ZNF248: variants seen among roughly 807,000 people sequenced by gnomAD.
ZNF248 encodes the protein zinc finger protein 248, also known as KRAB protein domain.
Under a neutral mutation model 44.3 loss-of-function variants are expected in ZNF248, and 20 were observed. That is an observed-to-expected ratio of 0.45 (90% CI 0.32 to 0.66). The LOEUF (loss-of-function observed/expected upper bound fraction) is 0.66. Ranked by LOEUF, ZNF248 falls within the 30% of genes least tolerant of loss-of-function variation. The probability of loss-of-function intolerance (pLI) is 0.04; values close to 1 mark genes in which losing one functional copy is unlikely to be tolerated. For missense variants in ZNF248, 654 were observed against 677.0 expected (o/e 0.97, Z 0.38); for synonymous variants, 224 against 229.0 (o/e 0.98, Z 0.20).
intron 6 of ZNF248, among the ~76,000 whole-genome samples, chr10:37,785,168 A>G (rs537820848): frequency 1.3e-5 from 2 of 152,314 alleles, no homozygotes; most frequent in African/African-American, 4.8e-5. Context: ...TCTCAGTGGT[A>G]TAACATAACA....
chr10:37,828,724 T>A, downstream of ZNF248: 1 of 985,396 alleles, frequency 1.0e-6, no homozygotes, highest in Non-Finnish European at 1.2e-6. Context: ...AATAAAAATG[T>A]ATCAAACTAA....
downstream of ZNF248, among the ~76,000 whole-genome samples, chr10:37,825,600 C>T (rs1216303480): frequency 2.0e-5 from 3 of 152,050 alleles, no homozygotes; most frequent in Non-Finnish European, 2.9e-5. Flanking sequence ...CCACCACACC[C>T]GGCTAATTTT....
chr10:37,764,663 A>G, the ZNF248 span, among the ~76,000 whole-genome samples: 2 of 152,176 alleles, frequency 1.3e-5, no homozygotes, highest in Admixed American at 6.5e-5. Flanking sequence ...TTTCTCAGAT[A>G]GGCCGACACC....
At chr10:37,810,371 G>A (rs2051295947) in intron 6 of ZNF248, among the ~76,000 whole-genome samples, 1 of 152,046 alleles carries the variant, frequency 6.6e-6, no homozygotes, top group South Asian at 2.1e-4. Context: ...GTGCATAAAT[G>A]TTCATTATTG....
intron 3 of ZNF248, among the ~76,000 whole-genome samples, chr10:37,847,329 C>T (rs554494704): frequency 2.6e-5 from 4 of 152,168 alleles, no homozygotes; most frequent in Admixed American, 6.6e-5. Flanking sequence ...GGCTATAGTT[C>T]CTCACCACAA....
chr10:37,776,782 C>T (rs534559210), intron 6 of ZNF248, among the ~76,000 whole-genome samples: 35 of 152,144 alleles, frequency 2.3e-4, no homozygotes, highest in African/African-American at 7.9e-4. Context: ...ACTCAGCCGC[C>T]CCCCACCCAC....
intron 6 of ZNF248, among the ~76,000 whole-genome samples, chr10:37,796,670 T>C (rs1474453312): frequency 6.6e-6 from 1 of 152,080 alleles, no homozygotes; most frequent in Non-Finnish European, 1.5e-5. Flanking sequence ...CAAATCCCAT[T>C]TTCCCCCTTT....
chr10:37,772,648 G>A (rs541129019), downstream of ZNF248, among the ~76,000 whole-genome samples: 1 of 152,334 alleles, frequency 6.6e-6, no homozygotes, highest in African/African-American at 2.4e-5. Context: ...ACAGGTCACA[G>A]TGGTCTAACA....
At chr10:37,856,380 G>A in intron 2 of ZNF248, 43 bp from the exon 3 acceptor site, 3 of 1,606,884 alleles carry the variant, frequency 1.9e-6, no homozygotes, top group South Asian at 1.1e-5. Context: ...GCCTTCGCCG[G>A]CCTTGCAGTT....
rs558173046 is a variant in ZNF248 at position 37,783,461 on chromosome 10, T to C, written c.331-6886A>G. ...ATCTTCATGATTTTAGATATGGCAG[T>C]GTGGTCTTATATAGGGCACCAAAAG... On this transcript the variant is annotated intron_variant, in intron 6 of 6. Transcript: ENST00000615949. Among the ~76,000 whole-genome samples, 80 of 152,296 alleles carry C rather than the reference T, an allele frequency of 5.3e-4. No individual in the cohort carries two copies. In the Middle Eastern group the frequency reaches 0.014, roughly 26 times the overall value.
At chr10:37,768,598 A>G in the ZNF248 span, among the ~76,000 whole-genome samples, 7 of 152,220 alleles carry the variant, frequency 4.6e-5, no homozygotes, top group Admixed American at 4.6e-4. Flanking sequence ...AACATACCAG[A>G]AACTCTGGGA....
At chr10:37,807,655 T>G (rs113624524) in intron 6 of ZNF248, among the ~76,000 whole-genome samples, 6 of 152,328 alleles carry the variant, frequency 3.9e-5, no homozygotes, top group African/African-American at 1.4e-4. Context: ...TTGATGTAGC[T>G]TTTTTGATGC....
At chr10:37,761,604 T>C in the ZNF248 span, among the ~76,000 whole-genome samples, 1 of 152,380 alleles carries the variant, frequency 6.6e-6, no homozygotes, top group Middle Eastern at 3.4e-3. Context: ...AGAGCTTCGT[T>C]GTTTCTTACA....
At chr10:37,798,239 T>TTATTCTGTATATAA (rs1257401033) in intron 6 of ZNF248, among the ~76,000 whole-genome samples, 3 of 152,132 alleles carry the variant, frequency 2.0e-5, no homozygotes. Context: ...TAATTCCATT[T>TTATTCTGTATATAA]ATATGAAATA....
At chr10:37,835,720 G>A (rs116112596) in intron 5 of ZNF248, among the ~76,000 whole-genome samples, 185 of 152,232 alleles carry the variant, frequency 1.2e-3, no homozygotes, top group African/African-American at 4.2e-3. Flanking sequence ...CTGCAACCAC[G>A]ACCATATGTG....
At chr10:37,767,415 CA>C in the ZNF248 span, among the ~76,000 whole-genome samples, 12 of 152,224 alleles carry the variant, frequency 7.9e-5, no homozygotes, top group African/African-American at 2.9e-4. Flanking sequence ...ATCAGACTAA[CA>C]GCAGATCTCT....
chr10:37,786,547 A>C (rs1202754650), intron 6 of ZNF248, among the ~76,000 whole-genome samples: 1 of 152,198 alleles, frequency 6.6e-6, no homozygotes, highest in Non-Finnish European at 1.5e-5. Flanking sequence ...ATAATTAAAA[A>C]TGTAGACATA....
At position 37,808,628 on chromosome 10, in the gene ZNF248, C is replaced by A. The variant is rs533248651; in HGVS notation, c.330+24397G>T. On this transcript the variant is annotated intron_variant, in intron 6 of 6. Coordinates refer to the ZNF248 transcript ENST00000615949. ...CATGTTCCTGAACTCAGTTTGGTAG[C>A]ATTTGTTGAAGATTGTTGCATTAGG... 3.3e-5 allele frequency among the ~76,000 whole-genome samples: 5 copies of A among 152,208 alleles called. No individual in the cohort carries two copies. In the East Asian group the frequency reaches 9.7e-4, roughly 29 times the overall value.
In ZNF248 at chr10:37,819,954, A is replaced by G. The variant is rs972156869; in HGVS notation, c.330+13071T>C. On this transcript the variant is annotated intron_variant, in intron 6 of 6. Transcript: ENST00000615949. Reference sequence around the variant, plus strand: ...ACGAGGCCCCATGTCGGACAGTAGTAAAGCGGCCCCATCTCAAGCGGTCTT... The same window carrying G: ...ACGAGGCCCCATGTCGGACAGTAGTGAAGCGGCCCCATCTCAAGCGGTCTT... 3 of 768,312 alleles carry G rather than the reference A, an allele frequency of 3.9e-6. No individual in the cohort carries two copies. In the Admixed American group the frequency reaches 5.2e-5, roughly 13 times the overall value. The allele number at this position is 768,312 out of a possible 1,614,324, so 47.6% of individuals were successfully genotyped here.
Sources: allele counts gnomAD v4.1 joint callset (sites outside exome capture counted in the v4.1 genomes callset), GRCh38; gene constraint gnomAD v4.1.1; transcripts MANE v1.5; gene names NCBI Gene and HGNC (gene_info 2026-07-23, HGNC 2026-07-21).